Variants in PRKCQ observed in about 807,000 individuals in gnomAD.
The protein encoded by PRKCQ is protein kinase C theta type.
In PRKCQ, 41 loss-of-function variants were observed where a neutral mutation model predicts 91.2. That is an observed-to-expected ratio of 0.45 (90% CI 0.35 to 0.58). The LOEUF (loss-of-function observed/expected upper bound fraction) is 0.58. Among genes scored for constraint, PRKCQ ranks in the 20% least tolerant of loss-of-function variants. The pLI is 0.00. For missense variants in PRKCQ, 673 were observed against 896.5 expected (o/e 0.75, Z 3.18); for synonymous variants, 307 against 316.9 (o/e 0.97, Z 0.33).
intron 1 of PRKCQ, among the ~76,000 whole-genome samples, chr10:6,579,508 A>C (rs1841373311): frequency 6.6e-6 from 1 of 151,002 alleles, no homozygotes; most frequent in Admixed American, 6.6e-5. Context: ...TTCAACAGTC[A>C]CTCTCCCATT....
chr10:6,405,833 C>A, the PRKCQ span, among the ~76,000 whole-genome samples: 1 of 152,188 alleles, frequency 6.6e-6, no homozygotes, highest in Non-Finnish European at 1.5e-5. Context: ...GACTGGTGCA[C>A]CCATGTGCCC....
At chr10:6,490,439 G>C (rs1390378164) in intron 8 of PRKCQ, among the ~76,000 whole-genome samples, 1 of 151,838 alleles carries the variant, frequency 6.6e-6, no homozygotes, top group Non-Finnish European at 1.5e-5. Context: ...GAAAAGGTCT[G>C]TGCTCACCAG....
intron 8 of PRKCQ, among the ~76,000 whole-genome samples, chr10:6,486,828 G>A (rs1588741861): frequency 6.6e-6 from 1 of 152,156 alleles, no homozygotes; most frequent in African/African-American, 2.4e-5. Flanking sequence ...CAGCCTTTAG[G>A]TTGAAGCCCA....
intron 1 of PRKCQ, among the ~76,000 whole-genome samples, chr10:6,569,411 C>A (rs1279034461): frequency 6.6e-6 from 1 of 151,820 alleles, no homozygotes; most frequent in Admixed American, 6.6e-5. Context: ...GAGGCTCAGA[C>A]TTGGAGGAAC....
intron 11 of PRKCQ, among the ~76,000 whole-genome samples, chr10:6,479,767 T>TAAAAAAA (rs34610362): frequency 6.7e-4 from 26 of 38,992 alleles, no homozygotes; most frequent in East Asian, 8.8e-4. Flanking sequence ...CCGTCTCGAC[T>TAAAAAAA]AAAAAAAAAA....
At chr10:6,460,263 G>T (rs937078874) in intron 14 of PRKCQ, among the ~76,000 whole-genome samples, 4 of 151,158 alleles carry the variant, frequency 2.6e-5, no homozygotes, top group Non-Finnish European at 5.9e-5. Flanking sequence ...GGTACAATTT[G>T]TTGTGATAGT....
At chr10:6,489,775 G>A (rs1173405454) in intron 8 of PRKCQ, among the ~76,000 whole-genome samples, 1 of 152,076 alleles carries the variant, frequency 6.6e-6, no homozygotes, top group African/African-American at 2.4e-5. Flanking sequence ...GGTGGTAGGA[G>A]AGAGCGGGGA....
chr10:6,456,063 G>A (rs1156229794), intron 15 of PRKCQ, among the ~76,000 whole-genome samples: 1 of 152,060 alleles, frequency 6.6e-6, no homozygotes, highest in East Asian at 1.9e-4. Flanking sequence ...GGGGGGAGGT[G>A]GGTTTAGTTG....
At chr10:6,496,836 G>A (rs45502597) in intron 7 of PRKCQ, among the ~76,000 whole-genome samples, 199 bp downstream of exon 7, 141 of 152,162 alleles carry the variant, frequency 9.3e-4, no homozygotes, top group African/African-American at 3.3e-3. Flanking sequence ...CACCAGGCCT[G>A]GCTAATTTCT....
intron 1 of PRKCQ, among the ~76,000 whole-genome samples, chr10:6,519,647 G>A (rs1393189937): frequency 6.6e-6 from 1 of 152,114 alleles, no homozygotes; most frequent in Non-Finnish European, 1.5e-5. Context: ...CAGCTTACAG[G>A]TGCTGCACAC....
At chr10:6,425,341 C>T (rs549336390), downstream of PRKCQ, among the ~76,000 whole-genome samples, 1 of 152,006 alleles carries the variant, frequency 6.6e-6, no homozygotes, top group African/African-American at 2.4e-5. Flanking sequence ...TCTCCTGCCT[C>T]AGCCTCCTGA....
At chr10:6,549,102 G>A (rs990328212) in intron 1 of PRKCQ, among the ~76,000 whole-genome samples, 2 of 152,112 alleles carry the variant, frequency 1.3e-5, no homozygotes, top group South Asian at 2.1e-4. Flanking sequence ...TAATGGGAGC[G>A]ATGGAACAGC....
chr10:6,564,307 G>A (rs1840753062), intron 1 of PRKCQ, among the ~76,000 whole-genome samples: 1 of 152,142 alleles, frequency 6.6e-6, no homozygotes, highest in Non-Finnish European at 1.5e-5. Context: ...GAGGTCCTCT[G>A]TAGGAAATAT....
intron 16 of PRKCQ, 143 bp downstream of exon 16, chr10:6,441,750 C>T (rs1265757853): frequency 6.2e-6 from 5 of 801,574 alleles, no homozygotes; most frequent in Non-Finnish European, 7.5e-6. Context: ...TCTATTAAAA[C>T]ACAGACGGTG....
intron 4 of PRKCQ, among the ~76,000 whole-genome samples, chr10:6,501,983 C>T (rs1837941618): frequency 6.6e-6 from 1 of 152,046 alleles, no homozygotes; most frequent in African/African-American, 2.4e-5. Flanking sequence ...GTGTGGGAAT[C>T]AAAAAGAAAT....
chr10:6,542,637 T>C (rs1204478489), intron 1 of PRKCQ, among the ~76,000 whole-genome samples: 1 of 152,198 alleles, frequency 6.6e-6, no homozygotes, highest in East Asian at 1.9e-4. Flanking sequence ...GTTCAACAGC[T>C]GGATCACTAG....
chr10:6,407,186 CAG>C, the PRKCQ span, among the ~76,000 whole-genome samples: 1 of 151,892 alleles, frequency 6.6e-6, no homozygotes, highest in Non-Finnish European at 1.5e-5. The surrounding 1 kb of genome is among the most constrained non-coding windows in gnomAD (Gnocchi z 4.0). Flanking sequence ...AGACATGAGA[CAG>C]AGAAGATGCA....
In PRKCQ at chr10:6,547,843, C is replaced by T. The variant is rs1456897921; in HGVS notation, c.-10+32368G>A. 1.5e-3 allele frequency among the ~76,000 whole-genome samples: 231 copies of T among 151,028 alleles called. 1 individual carries two copies. The highest frequency in any genetic ancestry group is 5.3e-3 in the African/African-American group (221 of 41,412). ...ATGGGCAAGGACTTCATGTCTAAAA[C>T]ACCAAAAGCAATGGCAACAAAAGCC... On this transcript the variant is annotated intron_variant, in intron 1 of 17. Coordinates refer to ENST00000263125, the MANE Select transcript of PRKCQ (RefSeq NM_006257.5).
intron 1 of PRKCQ, among the ~76,000 whole-genome samples, chr10:6,554,084 C>T (rs930809245): frequency 1.3e-5 from 2 of 152,040 alleles, no homozygotes; most frequent in Non-Finnish European, 2.9e-5. Flanking sequence ...AGCTGTGTGA[C>T]CTTAGGCAAG....
Sources: allele counts gnomAD v4.1 joint callset (sites outside exome capture counted in the v4.1 genomes callset), GRCh38; gene constraint gnomAD v4.1.1; non-coding constraint Gnocchi (gnomAD v3.1); transcripts MANE v1.5; gene names NCBI Gene and HGNC (gene_info 2026-07-23, HGNC 2026-07-21).